NEFH: variants seen among roughly 807,000 people sequenced by gnomAD.
NEFH encodes the protein neurofilament heavy chain.
A neutral mutation model predicts 56.6 loss-of-function variants in NEFH; 58 were observed. That is an observed-to-expected ratio of 1.03 (90% CI 0.83 to 1.28). The LOEUF (loss-of-function observed/expected upper bound fraction) is 1.28. Ranked by LOEUF, NEFH falls within the 50% of genes most tolerant of loss-of-function variation. NEFH has a pLI of 0.00. For missense variants in NEFH, 1,221 were observed against 1,307.6 expected, an observed-to-expected ratio of 0.93 and a Z score of 1.02; for synonymous variants, 542 against 545.8, an observed-to-expected ratio of 0.99 and a Z score of 0.10.
intron 3 of NEFH, among the ~76,000 whole-genome samples, chr22:29,487,544 A>C (rs2063051519): frequency 6.6e-6 from 1 of 151,740 alleles, no homozygotes; most frequent in Non-Finnish European, 1.5e-5. Flanking sequence ...ACGTGGGAGG[A>C]TCACCTGAGC....
chr22:29,488,224 C>T (rs550443326), intron 3 of NEFH, among the ~76,000 whole-genome samples: 7 of 152,096 alleles, frequency 4.6e-5, no homozygotes, highest in Admixed American at 3.9e-4. Flanking sequence ...ATTAACTGGA[C>T]GTGGTGGCGT....
At chr22:29,488,023 G>A (rs917465984) in intron 3 of NEFH, among the ~76,000 whole-genome samples, 4 of 152,232 alleles carry the variant, frequency 2.6e-5, no homozygotes, top group Admixed American at 2.0e-4. Flanking sequence ...AGACACTCGC[G>A]ATTCAAATGG....
rs1465335323 is a variant in NEFH, at chr22:29,489,748, A to G, written c.2108A>G (p.Lys703Arg). 6.2e-7 allele frequency: 1 copy of G among 1,611,942 alleles called. No homozygotes were observed. The highest frequency in any genetic ancestry group is 2.2e-5 in the East Asian group (1 of 44,716). ...AAGTCCCCAGTGAAGGAAGAAGCAA[A>G]GTCCCCTGAGAAGGCCAAGTCCCCA... ...KAKSPVKEEA[K>R]SPEKAKSPVK... The change falls in exon 4 of 4, where the codon AAG becomes AGG. Residue 703 changes from lysine to arginine, a missense_variant. Physicochemically the swap from Lys to Arg is conservative, Grantham distance 26. This residue lies in a region of NEFH where 37 missense variants were observed against 106.4 expected (regional missense o/e 0.35). Coordinates refer to ENST00000310624, the MANE Select transcript of NEFH (RefSeq NM_021076.4).
intron 3 of NEFH, among the ~76,000 whole-genome samples, chr22:29,486,710 AC>A (rs2063046873): frequency 6.6e-6 from 1 of 151,518 alleles, no homozygotes; most frequent in Admixed American, 6.6e-5. Context: ...TTTAGTAGAG[AC>A]TGGGTCTCGC....
At chr22:29,486,407 A>AGTGC (rs2063044435) in intron 3 of NEFH, among the ~76,000 whole-genome samples, 1 of 152,128 alleles carries the variant, frequency 6.6e-6, no homozygotes, top group Non-Finnish European at 1.5e-5. Context: ...GTCTGTCTCC[A>AGTGC]GAACTGTTTT....
Position 29,480,886 on chromosome 22 carries a change from G to A in NEFH, c.624G>A (p.Glu208=). ...AARALARFAQ[E]AEAARVDLQK... is the part of the protein sequence containing the mutation. ...GCGCGCTGGCGCGCTTCGCGCAGGAGGCCGAGGCGGCGCGCGTGGACCTGC... is the reference window on the plus strand; with the variant it reads ...GCGCGCTGGCGCGCTTCGCGCAGGAAGCCGAGGCGGCGCGCGTGGACCTGC... Residue 208 remains glutamate, a synonymous_variant, in exon 1 of 4, where the codon GAG becomes GAA. Transcript: ENST00000310624. 2 of 1,450,924 alleles carry A rather than the reference G, an allele frequency of 1.4e-6. No individual in the cohort carries two copies. Among genetic ancestry groups the A allele is most frequent in the Non-Finnish European group, 1.8e-6 (2 of 1,113,408 alleles). 89.9% of individuals were successfully genotyped at this position (1,450,924 alleles called of 1,614,324 possible). A position where few individuals can be genotyped will look rare whatever the true frequency, so the allele number is the denominator to read the frequency against.
intron 3 of NEFH, among the ~76,000 whole-genome samples, chr22:29,486,198 T>A (rs375863529): frequency 3.1e-4 from 46 of 148,858 alleles, no homozygotes; most frequent in Middle Eastern, 3.4e-3. Context: ...TTTATTTTTT[T>A]TTTTTTAGTA....
At position 29,489,298 on chromosome 22, in the gene NEFH, C is replaced by T. The variant is rs370044311; in HGVS notation, c.1658C>T (p.Pro553Leu). 3.7e-6 allele frequency: 6 copies of T among 1,612,098 alleles called. No individual in the cohort carries two copies. Among genetic ancestry groups the T allele is most frequent in the South Asian group, 3.3e-5 (3 of 89,846 alleles). The change falls in exon 4 of 4, where the codon CCA becomes CTA. Residue 553 changes from proline to leucine, a missense_variant. Physicochemically the swap from Pro to Leu is moderately conservative, Grantham distance 98. Coordinates refer to ENST00000310624, the MANE Select transcript of NEFH (RefSeq NM_021076.4). ...EVKSPEKAKS[P>L]AKEEAKSPPE... ...AAGTCCCCTGAGAAGGCCAAGTCTC[C>T]AGCAAAGGAAGAGGCAAAGTCACCG... is the stretch of plus-strand genomic sequence containing the variant.
chr22:29,480,926 G>A lies in NEFH; in HGVS notation c.664G>A (p.Ala222Thr). The A allele has an allele frequency of 1.3e-6, 2 of 1,519,864 alleles. No individual in the cohort carries two copies. The highest frequency in any genetic ancestry group is 1.8e-6 in the Non-Finnish European group (2 of 1,141,234). 94.1% of individuals were successfully genotyped at this position (1,519,864 alleles called of 1,614,324 possible). ...ARVDLQKKAQ[A>T]LQEECGYLRR... ...CGTGGACCTGCAGAAGAAGGCGCAG[G>A]CGCTGCAGGAGGAGTGCGGCTACCT... The change falls in exon 1 of 4, where the codon GCG (alanine) becomes ACG (threonine). Residue 222 changes from alanine to threonine, a missense_variant. This residue lies in a region of NEFH where 640 missense variants were observed against 555.5 expected (regional missense o/e 1.15). Transcript: ENST00000310624.
In NEFH at chr22:29,483,387, G is replaced by T; in HGVS notation, c.896G>T (p.Arg299Leu). 6.2e-7 allele frequency: 1 copy of T among 1,613,712 alleles called. No individual in the cohort carries two copies. Among genetic ancestry groups the T allele is most frequent in the Non-Finnish European group, 8.5e-7 (1 of 1,179,990 alleles). Residue 299 changes from arginine (R) to leucine (L), a missense_variant, in exon 2 of 4, where the codon CGA becomes CTA. Arg to Leu is a moderately radical substitution (Grantham distance 102). Around this residue, in one of 4 missense-constraint regions of NEFH, gnomAD observed 640 missense variants for 555.5 expected, o/e 1.15. Coordinates refer to ENST00000310624, the MANE Select transcript of NEFH (RefSeq NM_021076.4). ...SEEWFRVRLD[R>L]LSEAAKVNTD... ...CCTTCTCCCCCAGTGAGGCTGGACC[G>T]ACTGTCGGAGGCAGCCAAGGTGAAC...
chr22:29,487,037 C>T (rs969852224), intron 3 of NEFH, among the ~76,000 whole-genome samples: 1 of 152,164 alleles, frequency 6.6e-6, no homozygotes, highest in Non-Finnish European at 1.5e-5. Flanking sequence ...TAAGGGCAAC[C>T]ATGTCATAGG....
At chr22:29,484,817 C>T (rs1468029781) in intron 2 of NEFH, among the ~76,000 whole-genome samples, 1 of 151,998 alleles carries the variant, frequency 6.6e-6, no homozygotes, top group African/African-American at 2.4e-5. Context: ...GCAGGCAAGG[C>T]CCTGCTCCCA....
rs762552777 is a variant in NEFH at position 29,490,018 on chromosome 22, T to A, written c.2378T>A (p.Val793Asp). ...EKAKSPVKEE[V>D]KSPEKAKSPL... Reference sequence around the variant, plus strand: ...GCCAAAAGCCCTGTCAAGGAGGAGGTCAAGTCCCCAGAGAAGGCGAAATCT... The same window carrying A: ...GCCAAAAGCCCTGTCAAGGAGGAGGACAAGTCCCCAGAGAAGGCGAAATCT... Residue 793 changes from valine to aspartate, a missense_variant, in exon 4 of 4, where the codon GTC (valine) becomes GAC (aspartate). Coordinates refer to ENST00000310624, the MANE Select transcript of NEFH (RefSeq NM_021076.4). The A allele has an allele frequency of 6.2e-7, 1 of 1,608,180 alleles. No individual in the cohort carries two copies. The highest frequency in any genetic ancestry group is 2.3e-5 in the East Asian group (1 of 44,388).
chr22:29,480,525 T>C lies in NEFH; in HGVS notation c.263T>C (p.Met88Thr), dbSNP rs1439361382. 1 of 1,536,470 alleles carries C rather than the reference T, an allele frequency of 6.5e-7. No homozygotes were observed. Reference sequence around the variant, plus strand: ...CTGAGCAACGGGCCGGAGGGCTGCATGGTGGCGGTGGCCACCTCACGCAGT... The same window carrying C: ...CTGAGCAACGGGCCGGAGGGCTGCACGGTGGCGGTGGCCACCTCACGCAGT... Reference protein sequence around the residue: ...DTLSNGPEGCMVAVATSRSEK... With the variant: ...DTLSNGPEGCTVAVATSRSEK... Residue 88 changes from methionine to threonine, a missense_variant, in exon 1 of 4, where the codon ATG (methionine) becomes ACG (threonine). By Grantham distance (81) the Met-to-Thr change is moderately conservative. Around this residue, in one of 4 missense-constraint regions of NEFH, gnomAD observed 640 missense variants for 555.5 expected, o/e 1.15. Coordinates refer to ENST00000310624, the MANE Select transcript of NEFH (RefSeq NM_021076.4).
intron 3 of NEFH, among the ~76,000 whole-genome samples, chr22:29,488,614 A>G (rs557043300): frequency 2.9e-4 from 44 of 152,254 alleles, no homozygotes; most frequent in Non-Finnish European, 5.4e-4. Context: ...GACCCTCTCA[A>G]AAACAACAAC....
Position 29,490,861 on chromosome 22 carries a change from CA to C in NEFH, c.*160del. 6.9e-7 allele frequency: 1 copy of C among 1,443,330 alleles called. No homozygotes were observed. Among genetic ancestry groups the C allele is most frequent in the African/African-American group, 1.4e-5 (1 of 70,988 alleles). The allele number at this position is 1,443,330 out of a possible 1,614,324, so 89.4% of individuals were successfully genotyped here. A position where few individuals can be genotyped will look rare whatever the true frequency, so the allele number is the denominator to read the frequency against. ...TTCTTCAAACAGGAATTTCTGTTAG[CA>C]ATATGTTAGCAAGAGAGGGCACTCC... On this transcript the variant is annotated 3_prime_UTR_variant, in exon 4 of 4. Coordinates refer to ENST00000310624, the MANE Select transcript of NEFH (RefSeq NM_021076.4).
In NEFH at chr22:29,480,752, C is replaced by A; in HGVS notation, c.490C>A (p.Arg164Ser). The A allele has an allele frequency of 6.9e-7, 1 of 1,448,636 alleles. No individual in the cohort carries two copies. The allele number at this position is 1,448,636 out of a possible 1,614,324, so 89.7% of individuals were successfully genotyped here. The change falls in exon 1 of 4, where the codon CGC (arginine) becomes AGC (serine). Residue 164 changes from arginine to serine, a missense_variant. By Grantham distance (110) the Arg-to-Ser change is moderately radical. This residue lies in a region of NEFH where 640 missense variants were observed against 555.5 expected (regional missense o/e 1.15). Transcript: ENST00000310624. ...RGAVLRLGAA[R>S]GQLRLEQEHL... ...CGCGGTGCTGCGCCTGGGCGCGGCGCGCGGTCAGCTACGCCTGGAGCAGGA... is the reference window on the plus strand; with the variant it reads ...CGCGGTGCTGCGCCTGGGCGCGGCGAGCGGTCAGCTACGCCTGGAGCAGGA...
chr22:29,485,598 G>T, intron 2 of NEFH, 125 bp from the exon 3 acceptor site: 1 of 1,170,498 alleles, frequency 8.5e-7, no homozygotes, highest in Non-Finnish European at 1.2e-6. Flanking sequence ...TGGCAGGGTT[G>T]GGGTTGGCCC....
At position 29,490,144 on chromosome 22, in the gene NEFH, T is replaced by C; in HGVS notation, c.2504T>C (p.Val835Ala). ...GAGGAGAAGCCCCAGGAGGTGAAAG[T>C]CAAAGAGCCCCCAAAGAAGGCAGAG... ...KEEEKPQEVKVKEPPKKAEEE... is the reference protein window; with the variant it reads ...KEEEKPQEVKAKEPPKKAEEE... The change falls in exon 4 of 4, where the codon GTC (valine) becomes GCC (alanine). Residue 835 changes from valine (V) to alanine (A), a missense_variant. Transcript: ENST00000310624. 6.2e-7 allele frequency: 1 copy of C among 1,612,098 alleles called. No homozygotes were observed. Among genetic ancestry groups the C allele is most frequent in the Non-Finnish European group, 8.5e-7 (1 of 1,179,576 alleles).
Sources: gnomAD v4.1 joint callset for allele counts (sites outside exome capture counted in the v4.1 genomes callset) on GRCh38, gnomAD v4.1.1 for gene constraint, gnomAD v4.1.1 regional missense constraint, MANE v1.5 for transcripts, NCBI Gene and HGNC (gene_info 2026-07-23, HGNC 2026-07-21) for gene names.